Variants in WDR72 observed in about 807,000 individuals in gnomAD.
The protein encoded by WDR72 is WD repeat-containing protein 72.
A neutral mutation model predicts 124.2 loss-of-function variants in WDR72; 120 were observed. The observed-to-expected ratio is 0.97, with a 90% CI of 0.83 to 1.12. The LOEUF is 1.12. WDR72 is among the 50% of genes most tolerant of loss of function. The pLI is 0.00. For missense variants in WDR72, 1,387 were observed against 1,278.8 expected (o/e 1.08, Z -1.29); for synonymous variants, 452 against 441.7 (o/e 1.02, Z -0.29).
chr15:53,665,280 A>G (rs2015738166), intron 14 of WDR72, among the ~76,000 whole-genome samples: 3 of 152,174 alleles, frequency 2.0e-5, no homozygotes, highest in Admixed American at 6.6e-5. Context: ...TCCAAACTAC[A>G]GAATATAAAT....
At chr15:53,517,855 A>C in intron 19 of WDR72, 101 bp from the exon 20 acceptor site, 2 of 1,108,038 alleles carry the variant, frequency 1.8e-6, no homozygotes, top group Middle Eastern at 2.0e-4. Context: ...TGAAGAATAG[A>C]TACAGAAAGG....
intron 1 of WDR72, among the ~76,000 whole-genome samples, chr15:53,738,667 G>A (rs1009638709): frequency 1.3e-5 from 2 of 152,106 alleles, no homozygotes; most frequent in African/African-American, 4.8e-5. Context: ...CGTGATCTCG[G>A]CTCACTGCAA....
chr15:53,684,796 G>C (rs1255916411), intron 13 of WDR72, among the ~76,000 whole-genome samples: 1 of 151,514 alleles, frequency 6.6e-6, no homozygotes, highest in Non-Finnish European at 1.5e-5. Context: ...AACCTCTGCA[G>C]ACTTAAATGT....
At chr15:53,733,613 A>G (rs1343330377) in intron 1 of WDR72, among the ~76,000 whole-genome samples, 1 of 152,218 alleles carries the variant, frequency 6.6e-6, no homozygotes, top group Non-Finnish European at 1.5e-5. Context: ...TATTAAAAAA[A>G]TAAATCTTTT....
chr15:53,525,400 C>A (rs1892057477), intron 18 of WDR72, among the ~76,000 whole-genome samples: 1 of 152,044 alleles, frequency 6.6e-6, no homozygotes, highest in Admixed American at 6.6e-5. Flanking sequence ...TGGGCAAATG[C>A]ATTGCACTTG....
chr15:53,685,933 A>G (rs1307591149), intron 13 of WDR72, among the ~76,000 whole-genome samples: 3 of 139,666 alleles, frequency 2.1e-5, no homozygotes, highest in Non-Finnish European at 4.6e-5. Flanking sequence ...AGAATTTTCA[A>G]CCCAGAATTT....
At chr15:53,541,223 C>A (rs1279435229) in intron 18 of WDR72, 1 of 153,196 alleles carries the variant, frequency 6.5e-6, no homozygotes, top group South Asian at 2.1e-4. Flanking sequence ...GCAGTAACCT[C>A]TGCAGACTTA....
At chr15:53,597,448 C>T (rs577460720) in intron 17 of WDR72, among the ~76,000 whole-genome samples, 174 bp from the exon 18 acceptor site, 1 of 152,122 alleles carries the variant, frequency 6.6e-6, no homozygotes, top group Non-Finnish European at 1.5e-5. Context: ...CAACAACTGG[C>T]ACCCAGACTT....
chr15:53,730,076 T>C (rs1452909488), intron 2 of WDR72, among the ~76,000 whole-genome samples: 2 of 152,196 alleles, frequency 1.3e-5, no homozygotes, highest in Non-Finnish European at 2.9e-5. Flanking sequence ...CCCATGTGTA[T>C]AGCAGCATCA....
chr15:53,629,937 T>G lies in WDR72; in HGVS notation c.1963-13694A>C, dbSNP rs1010457664. On this transcript the variant is annotated intron_variant, in intron 14 of 19. Coordinates refer to ENST00000360509, the MANE Select transcript of WDR72 (RefSeq NM_182758.4). ...CCCTGAGGAGTCCCATTTACCAACC[T>G]TATCATTATTTGGGAAATTTACAAA... is the stretch of plus-strand genomic sequence containing the variant. Among the ~76,000 whole-genome samples, 8 of 152,270 alleles carry G rather than the reference T, an allele frequency of 5.3e-5. No individual in the cohort carries two copies. In the South Asian group the frequency reaches 1.0e-3, roughly 20 times the overall value.
intron 13 of WDR72, among the ~76,000 whole-genome samples, chr15:53,694,670 A>G (rs926342005): frequency 2.3e-4 from 35 of 152,202 alleles, no homozygotes; most frequent in Non-Finnish European, 1.5e-4. Flanking sequence ...AGAAGGAGAC[A>G]TATAATCTAG....
At chr15:53,676,076 A>G (rs1411580741) in intron 13 of WDR72, among the ~76,000 whole-genome samples, 1 of 152,156 alleles carries the variant, frequency 6.6e-6, no homozygotes, top group South Asian at 2.1e-4. Context: ...TGCCACTTGT[A>G]AAATTCAATA....
chr15:53,620,936 C>G (rs1040252561), intron 14 of WDR72, among the ~76,000 whole-genome samples: 3 of 151,984 alleles, frequency 2.0e-5, no homozygotes, highest in Non-Finnish European at 2.9e-5. Flanking sequence ...CTACAATGAA[C>G]TCAAACAAAT....
At chr15:53,738,247 T>C (rs909664933) in intron 1 of WDR72, among the ~76,000 whole-genome samples, 1 of 151,976 alleles carries the variant, frequency 6.6e-6, no homozygotes, top group African/African-American at 2.4e-5. Flanking sequence ...AATTAATAAG[T>C]AAATAACAGC....
At chr15:53,570,951 C>T (rs1217808190) in intron 18 of WDR72, among the ~76,000 whole-genome samples, 2 of 151,920 alleles carry the variant, frequency 1.3e-5, no homozygotes, top group Non-Finnish European at 2.9e-5. Flanking sequence ...CAGCTGGAGG[C>T]TATTATCCAA....
At chr15:53,543,159 A>G (rs1467392420) in intron 18 of WDR72, among the ~76,000 whole-genome samples, 1 of 143,296 alleles carries the variant, frequency 7.0e-6, no homozygotes, top group Non-Finnish European at 1.5e-5. Context: ...AGACATCTAC[A>G]GAACTCTCCA....
chr15:53,636,910 T>C (rs1030473085), intron 14 of WDR72, among the ~76,000 whole-genome samples: 7 of 152,206 alleles, frequency 4.6e-5, no homozygotes, highest in Admixed American at 4.6e-4. Flanking sequence ...ATCCATTGTG[T>C]TTAATTAAAT....
intron 9 of WDR72, among the ~76,000 whole-genome samples, chr15:53,707,359 G>C (rs912740974): frequency 2.0e-5 from 3 of 152,140 alleles, no homozygotes; most frequent in African/African-American, 7.2e-5. Context: ...ACCAATCCAA[G>C]GTCATCCAAC....
intron 18 of WDR72, among the ~76,000 whole-genome samples, chr15:53,592,005 G>A (rs570620869): frequency 2.0e-5 from 3 of 151,958 alleles, no homozygotes; most frequent in Non-Finnish European, 2.9e-5. Context: ...AATACCACAT[G>A]TAACAATGTA....
Sources: allele counts gnomAD v4.1 joint callset (sites outside exome capture counted in the v4.1 genomes callset), GRCh38; gene constraint gnomAD v4.1.1; transcripts MANE v1.5; gene names NCBI Gene and HGNC (gene_info 2026-07-23, HGNC 2026-07-21).